The following MPP4 variants were observed in gnomAD, a reference collection of about 807,000 sequenced individuals.
MPP4 encodes the protein MAGUK p55 scaffold protein 4, also known as MAGUK p55 subfamily member 4.
MPP4 carries 91 observed loss-of-function variants against 98.3 expected under a neutral mutation model. That is an observed-to-expected ratio of 0.93 (90% CI 0.78 to 1.10). The LOEUF (loss-of-function observed/expected upper bound fraction) is 1.10. MPP4 is among the 50% of genes least tolerant of loss of function. MPP4 has a pLI of 0.00. For synonymous variants in MPP4, 261 were observed against 271.8 expected (o/e 0.96, Z 0.39); for missense variants, 744 against 792.9 (o/e 0.94, Z 0.74).
rs772046471 is a variant in MPP4, at chr2:201,660,314, G to A, written c.1087+18C>T. On this transcript the variant is annotated intron_variant, in intron 15 of 21. Transcript: ENST00000409474. ...AACATAGTTCTATTTGGTATATCTA[G>A]GAAATAAAAACAATTACCTTCTGAA... 1.2e-6 allele frequency: 2 copies of A among 1,606,070 alleles called. No individual in the cohort carries two copies. The highest frequency in any genetic ancestry group is 2.2e-5 in the East Asian group (1 of 44,802).
chr2:201,681,632 GACAGAGT>G, intron 8 of MPP4, 65 bp from the exon 9 acceptor site: 5 of 1,258,814 alleles, frequency 4.0e-6, no homozygotes, highest in Non-Finnish European at 3.5e-6. Flanking sequence ...GGGCTCGGTG[GACAGAGT>G]TACAGTGCAA....
rs982282217 is a variant in MPP4, at chr2:201,649,935, C to T, written c.1475+137G>A. ...CCCAGTGAGTTGGTGTGCTGTATAT[C>T]GATGTACATTTCTTGCTTAACTCCT... On this transcript the variant is annotated intron_variant, in intron 19 of 21. Transcript: ENST00000409474. 5 of 874,042 alleles carry T rather than the reference C, an allele frequency of 5.7e-6. No individual in the cohort carries two copies. In the East Asian group the frequency reaches 1.1e-4, roughly 19 times the overall value. 54.1% of individuals were successfully genotyped at this position (874,042 alleles called of 1,614,324 possible).
At position 201,687,328 on chromosome 2, in the gene MPP4, TG is replaced by T; in HGVS notation, c.322del (p.Gln108LysfsTer3). On this transcript the variant is annotated frameshift_variant, in exon 5 of 22. Transcript: ENST00000409474. LOFTEE classifies it high-confidence loss of function. ...LRETPTSPEI[Q>X]ELRQMLQAPH... ...AGCCTGGAGCATTTGTCTCAGCTCT[TG>T]GATCTCAGGGGAAGTAGGGGTTTCA... 6.3e-7 allele frequency: 1 copy of T among 1,585,536 alleles called. No homozygotes were observed.
rs145500284 is a variant in MPP4, at chr2:201,677,474, G to A, written c.930-2203C>T. On this transcript the variant is annotated intron_variant, in intron 10 of 21. Coordinates refer to ENST00000409474, the MANE Select transcript of MPP4 (RefSeq NM_033066.3). ...AAGCCTTCCTCCTCACTCTTTCACA[G>A]TTTTCTAAAATCAGATATAATTTTC... is the stretch of plus-strand genomic sequence containing the variant. Among the ~76,000 whole-genome samples, 222 of 152,138 alleles carry A rather than the reference G, an allele frequency of 1.5e-3. 2 individuals are homozygous for A. Among genetic ancestry groups the A allele is most frequent in the African/African-American group, 5.0e-3 (207 of 41,488 alleles).
At chr2:201,668,188 T>C (rs767520891) in intron 12 of MPP4, among the ~76,000 whole-genome samples, 2 of 152,192 alleles carry the variant, frequency 1.3e-5, no homozygotes, top group African/African-American at 2.4e-5. Flanking sequence ...GACGCTTGAC[T>C]CTGGGATCTA....
intron 15 of MPP4, among the ~76,000 whole-genome samples, chr2:201,659,695 G>A (rs1266558945): frequency 6.6e-6 from 1 of 152,144 alleles, no homozygotes; most frequent in East Asian, 1.9e-4. Context: ...TTAGCCAGGT[G>A]TGGTGGCTTG....
intron 17 of MPP4, among the ~76,000 whole-genome samples, chr2:201,655,791 G>T (rs1403073395): frequency 1.3e-5 from 2 of 152,180 alleles, no homozygotes; most frequent in Non-Finnish European, 2.9e-5. Context: ...AAATTTCTTA[G>T]GGGAATGGAC....
chr2:201,650,017 A>G, intron 19 of MPP4, 55 bp downstream of exon 19: 1 of 1,458,764 alleles, frequency 6.9e-7, no homozygotes, highest in Non-Finnish European at 9.2e-7. Flanking sequence ...TAGGGAATCT[A>G]TTTCAAATGT....
At chr2:201,682,119 A>G (rs966087517) in intron 8 of MPP4, among the ~76,000 whole-genome samples, 2 of 152,168 alleles carry the variant, frequency 1.3e-5, no homozygotes, top group African/African-American at 4.8e-5. Context: ...TTAAACATCT[A>G]GAGATTAAGA....
intron 18 of MPP4, among the ~76,000 whole-genome samples, chr2:201,654,080 G>A (rs561711276): frequency 7.2e-5 from 11 of 151,944 alleles, no homozygotes; most frequent in Non-Finnish European, 1.3e-4. Context: ...AGGTTTAAGC[G>A]ATTATCTGTC....
intron 18 of MPP4, chr2:201,652,119 A>G (rs929058938): frequency 1.8e-6 from 1 of 568,624 alleles, no homozygotes; most frequent in African/African-American, 2.0e-5. Context: ...GGTCTCCCAC[A>G]GCCCTTATGT....
At position 201,687,364 on chromosome 2, in the gene MPP4, T is replaced by C. The variant is rs1348274577; in HGVS notation, c.287A>G (p.Glu96Gly). 6.3e-7 allele frequency: 1 copy of C among 1,575,540 alleles called. No individual in the cohort carries two copies. The highest frequency in any genetic ancestry group is 2.3e-5 in the East Asian group (1 of 43,446). ...GGAAGTAGGGGTTTCACGTAATAAC[T>C]CCACTACCTGGTTCATGGAAAAGGA... ...HAQVLSYEVV[E>G]LLRETPTSPE... The change falls in exon 5 of 22, where the codon GAG becomes GGG. Residue 96 changes from glutamate to glycine, a missense_variant. Physicochemically the swap from Glu to Gly is moderately conservative, Grantham distance 98. Transcript: ENST00000409474.
chr2:201,652,712 G>A (rs1687747296), intron 18 of MPP4, among the ~76,000 whole-genome samples: 2 of 152,190 alleles, frequency 1.3e-5, no homozygotes, highest in Admixed American at 1.3e-4. Context: ...CCAGACGAGA[G>A]CCAGACGAGA....
chr2:201,695,691 C>G (rs1689158515), intron 1 of MPP4, among the ~76,000 whole-genome samples: 1 of 152,004 alleles, frequency 6.6e-6, no homozygotes, highest in Admixed American at 6.6e-5. Context: ...ATATAAATAC[C>G]CTCACTCTCT....
rs535509120 is a variant in MPP4 at position 201,675,328 on chromosome 2, C to T, written c.930-57G>A. On this transcript the variant is annotated intron_variant, in intron 10 of 21. Coordinates refer to ENST00000409474, the MANE Select transcript of MPP4 (RefSeq NM_033066.3). ...ACAAACAAAAACCACTCTTTGTTAA[C>T]CTAGATGAAACAGACCCAGAGCAAC... The T allele has an allele frequency of 2.7e-4, 406 of 1,529,632 alleles. 2 individuals carry two copies. Among genetic ancestry groups the T allele is most frequent in the Middle Eastern group, 1.5e-3 (7 of 4,742 alleles). 94.8% of individuals were successfully genotyped at this position (1,529,632 alleles called of 1,614,324 possible). A position where few individuals can be genotyped will look rare whatever the true frequency, so the allele number is the denominator to read the frequency against.
chr2:201,653,156 T>C (rs1317703766), intron 18 of MPP4, among the ~76,000 whole-genome samples: 1 of 152,190 alleles, frequency 6.6e-6, no homozygotes, highest in Non-Finnish European at 1.5e-5. Context: ...GATCTGGTCC[T>C]TGGGGAACAT....
intron 16 of MPP4, among the ~76,000 whole-genome samples, chr2:201,657,399 C>G (rs1295052264): frequency 6.6e-6 from 1 of 152,076 alleles, no homozygotes; most frequent in South Asian, 2.1e-4. Context: ...TCTCAGTAGA[C>G]AGAGTTAGCA....
At chr2:201,650,776 A>G (rs944674652) in intron 18 of MPP4, 2 of 985,430 alleles carry the variant, frequency 2.0e-6, no homozygotes, top group Non-Finnish European at 1.2e-6. Flanking sequence ...GACCAGATGC[A>G]TTAATACCCA....
At chr2:201,680,363 C>G (rs1688631127) in intron 10 of MPP4, 1 of 151,220 alleles carries the variant, frequency 6.6e-6, no homozygotes, top group African/African-American at 2.5e-5. Context: ...GCGAGGGCCA[C>G]TCCGTGACTC....
Sources: gnomAD v4.1 joint callset for allele counts (sites outside exome capture counted in the v4.1 genomes callset) on GRCh38, gnomAD v4.1.1 for gene constraint, MANE v1.5 for transcripts, NCBI Gene and HGNC (gene_info 2026-07-23, HGNC 2026-07-21) for gene names.